The following CYP39A1 variants were observed in gnomAD, a reference collection of about 807,000 sequenced individuals.
CYP39A1 encodes cytochrome P450 family 39 subfamily A member 1, also known as 24-hydroxycholesterol 7-alpha-hydroxylase.
In CYP39A1, 49 loss-of-function variants were observed where a neutral mutation model predicts 58.1. The observed-to-expected ratio is 0.84, with a 90% confidence interval of 0.67 to 1.07. The LOEUF (loss-of-function observed/expected upper bound fraction) is 1.07, where lower values mean the gene tolerates loss of function less well. Among genes scored for constraint, CYP39A1 ranks in the 50% least tolerant of loss-of-function variants. The pLI is 0.00. For synonymous variants in CYP39A1, 209 were observed against 187.6 expected (o/e 1.11, Z -0.93); for missense variants, 531 against 539.4 (o/e 0.98, Z 0.16).
intron 11 of CYP39A1, 54 bp downstream of exon 11, chr6:46,553,713 G>T: frequency 8.4e-7 from 1 of 1,187,742 alleles, no homozygotes; most frequent in Non-Finnish European, 1.3e-6. Context: ...AAGTGGGGGT[G>T]GTTATGTCAT....
At chr6:46,584,792 T>C (rs1223673510) in intron 10 of CYP39A1, among the ~76,000 whole-genome samples, 4 of 152,052 alleles carry the variant, frequency 2.6e-5, no homozygotes, top group African/African-American at 9.7e-5. Flanking sequence ...AGCTAAAAGG[T>C]CTCCCGCCAC....
intron 7 of CYP39A1, among the ~76,000 whole-genome samples, chr6:46,614,652 A>G (rs1231444092): frequency 6.6e-6 from 1 of 152,046 alleles, no homozygotes; most frequent in Non-Finnish European, 1.5e-5. Context: ...TTTTCTCCAT[A>G]TTGGACATTC....
chr6:46,619,421 G>GTAAATATA (rs1774823508), intron 7 of CYP39A1, among the ~76,000 whole-genome samples: 1 of 152,014 alleles, frequency 6.6e-6, no homozygotes, highest in Non-Finnish European at 1.5e-5. Flanking sequence ...TTTTGGTGGG[G>GTAAATATA]TAAATACATA....
At chr6:46,584,370 C>A (rs3799886) in intron 10 of CYP39A1, among the ~76,000 whole-genome samples, 14,090 of 152,052 alleles carry the variant, frequency 0.093, 1,129 homozygotes, top group African/African-American at 0.19. Context: ...CTCCCAGACT[C>A]TCTCTCATTC....
At chr6:46,636,795 G>A (rs1412798212) in intron 4 of CYP39A1, among the ~76,000 whole-genome samples, 2 of 152,192 alleles carry the variant, frequency 1.3e-5, no homozygotes, top group African/African-American at 4.8e-5. Context: ...AGTTGCAGGA[G>A]GATGAAAACC....
intron 7 of CYP39A1, among the ~76,000 whole-genome samples, chr6:46,604,030 A>G (rs556849926): frequency 4.6e-4 from 70 of 152,316 alleles, no homozygotes; most frequent in African/African-American, 1.6e-3. Flanking sequence ...TTATTTTACA[A>G]TATGCTTTCC....
chr6:46,608,715 A>C (rs1274598893), intron 7 of CYP39A1, among the ~76,000 whole-genome samples: 1 of 152,040 alleles, frequency 6.6e-6, no homozygotes. Flanking sequence ...CCTGGATTCA[A>C]GTAATTCTAC....
chr6:46,583,809 C>G (rs1252800646), intron 10 of CYP39A1, among the ~76,000 whole-genome samples: 1 of 152,126 alleles, frequency 6.6e-6, no homozygotes, highest in East Asian at 1.9e-4. Context: ...TCAGCAGAAC[C>G]TTCTGTGTTT....
At chr6:46,639,447 A>T in intron 3 of CYP39A1, 47 bp downstream of exon 3, 2 of 1,577,054 alleles carry the variant, frequency 1.3e-6, no homozygotes, top group East Asian at 2.2e-5. Context: ...CAATTTTTTT[A>T]TTTAAAACAA....
At chr6:46,562,108 C>T (rs905448041) in intron 10 of CYP39A1, among the ~76,000 whole-genome samples, 5 of 144,562 alleles carry the variant, frequency 3.5e-5, no homozygotes, top group African/African-American at 8.6e-5. Flanking sequence ...CTGCAACCTC[C>T]GCCTCCTGGG....
At chr6:46,571,492 T>C (rs571598016) in intron 10 of CYP39A1, among the ~76,000 whole-genome samples, 4 of 152,268 alleles carry the variant, frequency 2.6e-5, no homozygotes, top group Admixed American at 6.5e-5. Context: ...CTTTGTCTTA[T>C]TTTACAGTTT....
chr6:46,560,169 G>C (rs1265256074), intron 10 of CYP39A1, among the ~76,000 whole-genome samples: 4 of 152,150 alleles, frequency 2.6e-5, no homozygotes, highest in Non-Finnish European at 4.4e-5. Context: ...ATGATGAGAA[G>C]GCTAGTATTG....
chr6:46,624,057 C>A (rs990322187), intron 7 of CYP39A1, among the ~76,000 whole-genome samples: 4 of 152,116 alleles, frequency 2.6e-5, no homozygotes, highest in Non-Finnish European at 4.4e-5. Context: ...AGGTTTTAAT[C>A]TTTCTCCACT....
At position 46,611,728 on chromosome 6, in the gene CYP39A1, G is replaced by C. The variant is rs139813824; in HGVS notation, c.931+13690C>G. Among the ~76,000 whole-genome samples the C allele has an allele frequency of 2.0e-3, 306 of 152,126 alleles. 2 individuals carry two copies. Among genetic ancestry groups the C allele is most frequent in the African/African-American group, 7.2e-3 (300 of 41,514 alleles). On this transcript the variant is annotated intron_variant, in intron 7 of 11. Coordinates refer to ENST00000275016, the MANE Select transcript of CYP39A1 (RefSeq NM_016593.5). ...TCCAATACATGATAAATAAAAGGGAGAGAATATTGCCTAAAGAAGATAACA... is the reference window on the plus strand; with the variant it reads ...TCCAATACATGATAAATAAAAGGGACAGAATATTGCCTAAAGAAGATAACA...
chr6:46,631,838 G>A (rs2150581363), intron 5 of CYP39A1, among the ~76,000 whole-genome samples: 1 of 152,304 alleles, frequency 6.6e-6, no homozygotes, highest in Admixed American at 6.5e-5. Flanking sequence ...TCCCACTAAA[G>A]TATTTTCTTC....
intron 10 of CYP39A1, among the ~76,000 whole-genome samples, chr6:46,560,705 C>A (rs1770929065): frequency 6.6e-6 from 1 of 152,008 alleles, no homozygotes; most frequent in Admixed American, 6.6e-5. Context: ...TAAGAGTCAT[C>A]ATTATTTAGA....
intron 2 of CYP39A1, among the ~76,000 whole-genome samples, chr6:46,640,684 G>A (rs1345034456): frequency 6.6e-6 from 1 of 152,000 alleles, no homozygotes; most frequent in Non-Finnish European, 1.5e-5. Flanking sequence ...ATTGTGTTAT[G>A]CTGAGGTTTG....
intron 5 of CYP39A1, among the ~76,000 whole-genome samples, chr6:46,633,524 A>C (rs951034078): frequency 3.3e-5 from 5 of 152,154 alleles, no homozygotes; most frequent in African/African-American, 1.2e-4. Flanking sequence ...AAATCTTTTA[A>C]ATTTCTTCTT....
chr6:46,631,046 T>C lies in CYP39A1; in HGVS notation c.757A>G (p.Ile253Val). 6.2e-7 allele frequency: 1 copy of C among 1,613,924 alleles called. No individual in the cohort carries two copies. Among genetic ancestry groups the C allele is most frequent in the Admixed American group, 1.7e-5 (1 of 60,028 alleles). Reference sequence around the variant, plus strand: ...TCCTTACTTGTTTCCGTCTCTACAATATCCAGCGTAGCTTGCAATAATGTC... The same window carrying C: ...TCCTTACTTGTTTCCGTCTCTACAACATCCAGCGTAGCTTGCAATAATGTC... Reference protein sequence around the residue: ...SMTLLQATLDIVETETSKENS... With the variant: ...SMTLLQATLDVVETETSKENS... Residue 253 changes from isoleucine to valine, a missense_variant, in exon 6 of 12, where the codon ATT becomes GTT. Ile to Val is a conservative substitution (Grantham distance 29). Coordinates refer to ENST00000275016, the MANE Select transcript of CYP39A1 (RefSeq NM_016593.5).
Sources: gnomAD v4.1 joint callset for allele counts (sites outside exome capture counted in the v4.1 genomes callset) on GRCh38, gnomAD v4.1.1 for gene constraint, MANE v1.5 for transcripts, NCBI Gene and HGNC (gene_info 2026-07-23, HGNC 2026-07-21) for gene names.